Variants in TRPM3 observed in about 807,000 individuals in gnomAD.
The protein encoded by TRPM3 is long transient receptor potential channel 3.
Under a neutral mutation model 181.2 loss-of-function variants are expected in TRPM3, and 77 were observed. That is an observed-to-expected ratio of 0.42 (90% CI 0.35 to 0.51). The LOEUF is 0.51. Among genes scored for constraint, TRPM3 ranks in the 20% least tolerant of loss-of-function variants. The probability of loss-of-function intolerance (pLI) is 0.01; values close to 1 mark genes in which losing one functional copy is unlikely to be tolerated. For missense variants in TRPM3, 1,759 were observed against 2,196.7 expected (o/e 0.80, Z 3.98); for synonymous variants, 745 against 796.4 (o/e 0.94, Z 1.09).
chr9:71,137,562 T>C (rs1460097015), intron 1 of TRPM3, among the ~76,000 whole-genome samples: 1 of 152,208 alleles, frequency 6.6e-6, no homozygotes, highest in African/African-American at 2.4e-5. Flanking sequence ...GCAATTCTAA[T>C]TATCTTAATC....
chr9:71,421,410 A>G (rs2093771617), intron 1 of TRPM3, among the ~76,000 whole-genome samples: 1 of 151,824 alleles, frequency 6.6e-6, no homozygotes, highest in Non-Finnish European at 1.5e-5. Flanking sequence ...CCCTCCCTCT[A>G]TTGGCCTAAA....
intron 1 of TRPM3, among the ~76,000 whole-genome samples, chr9:71,022,833 A>G (rs1452621958): frequency 2.0e-5 from 3 of 152,220 alleles, no homozygotes; most frequent in Non-Finnish European, 2.9e-5. Flanking sequence ...CTTAAAGTAT[A>G]ATAAAAAAAT....
chr9:71,389,458 T>A (rs899349982), intron 1 of TRPM3, among the ~76,000 whole-genome samples: 2 of 152,120 alleles, frequency 1.3e-5, no homozygotes, highest in Admixed American at 6.6e-5. Context: ...GAACTACCAT[T>A]TGATCCAGCA....
At chr9:71,414,473 A>G (rs1018743182) in intron 1 of TRPM3, among the ~76,000 whole-genome samples, 1 of 152,270 alleles carries the variant, frequency 6.6e-6, no homozygotes, top group Non-Finnish European at 1.5e-5. Context: ...ATGAAATGCC[A>G]TTATTCTCTT....
At position 70,642,798 on chromosome 9, in the gene TRPM3, C is replaced by T. The variant is rs77694593; in HGVS notation, c.1346-2138G>A. Among the ~76,000 whole-genome samples, 1,390 of 152,256 alleles carry T rather than the reference C, an allele frequency of 9.1e-3. 25 individuals carry two copies. The highest frequency in any genetic ancestry group is 0.032 in the African/African-American group (1,315 of 41,554). ...AATTTTAGCATGCATAAGTACAATT[C>T]GGAGAACTTTTTAAGACACAGGTTC... On this transcript the variant is annotated intron_variant, in intron 9 of 25. Transcript: ENST00000677713.
At chr9:71,246,643 C>T (rs1251516971) in intron 1 of TRPM3, among the ~76,000 whole-genome samples, 1 of 152,232 alleles carries the variant, frequency 6.6e-6, no homozygotes, top group Non-Finnish European at 1.5e-5. Flanking sequence ...ACAAAATTAA[C>T]TGGCATTCGC....
chr9:70,928,975 T>C (rs1232005328), intron 1 of TRPM3, among the ~76,000 whole-genome samples: 3 of 152,162 alleles, frequency 2.0e-5, no homozygotes. Flanking sequence ...ATGAGAATTA[T>C]TATGATTCCC....
chr9:71,435,903 T>C (rs12375722), intron 1 of TRPM3, among the ~76,000 whole-genome samples: 42,282 of 151,970 alleles, frequency 0.28, 7,497 homozygotes, highest in Non-Finnish European at 0.39. Flanking sequence ...GAAAAAGCAA[T>C]GTGATAGCAG....
chr9:70,767,730 C>T (rs1039343251), intron 7 of TRPM3, among the ~76,000 whole-genome samples: 1 of 152,112 alleles, frequency 6.6e-6, no homozygotes, highest in Admixed American at 6.6e-5. Flanking sequence ...AGTCTGGTAC[C>T]TGGCCTGGTC....
In TRPM3 at chr9:71,225,425, A is replaced by G. The variant is rs575646887; in HGVS notation, c.183+221228T>C. Among the ~76,000 whole-genome samples the G allele has an allele frequency of 1.6e-4, 25 of 152,266 alleles. No individual in the cohort carries two copies. The East Asian group carries it at 4.8e-3, about 29-fold the overall frequency. On this transcript the variant is annotated intron_variant, in intron 1 of 24. Coordinates refer to the TRPM3 transcript ENST00000357533. ...AGGAAAAATAAAGACTTTTCCAGAC[A>G]AACAAAAGCTAATGGATTCCATCAA...
At chr9:71,014,272 T>C (rs1358822144) in intron 1 of TRPM3, among the ~76,000 whole-genome samples, 4 of 152,058 alleles carry the variant, frequency 2.6e-5, no homozygotes, top group African/African-American at 9.7e-5. Flanking sequence ...ATATTATATT[T>C]TTGCATTTTT....
chr9:71,330,803 A>G (rs1003763278), intron 1 of TRPM3, among the ~76,000 whole-genome samples: 3 of 151,832 alleles, frequency 2.0e-5, no homozygotes, highest in African/African-American at 7.3e-5. Flanking sequence ...TCACACAGAT[A>G]CAGGAGGCAG....
chr9:70,766,791 A>T (rs981826931), intron 7 of TRPM3, among the ~76,000 whole-genome samples: 21 of 152,226 alleles, frequency 1.4e-4, no homozygotes, highest in Non-Finnish European at 7.3e-5. Flanking sequence ...GGCAGGAAGC[A>T]TTGTTAACAA....
chr9:70,896,618 C>G (rs1383376679), intron 1 of TRPM3, among the ~76,000 whole-genome samples: 1 of 152,146 alleles, frequency 6.6e-6, no homozygotes, highest in Non-Finnish European at 1.5e-5. Context: ...ACAATGAGCA[C>G]TTTCAATAAC....
intron 1 of TRPM3, among the ~76,000 whole-genome samples, chr9:71,414,412 T>C (rs540353453): frequency 6.6e-6 from 1 of 152,218 alleles, no homozygotes; most frequent in Non-Finnish European, 1.5e-5. Flanking sequence ...ACCTTTTTCC[T>C]TCCTTTCACA....
At chr9:71,087,688 A>C (rs1014749503) in intron 1 of TRPM3, among the ~76,000 whole-genome samples, 11 of 152,030 alleles carry the variant, frequency 7.2e-5, no homozygotes, top group Non-Finnish European at 8.8e-5. Context: ...AGAAAGGAAG[A>C]AGCAGTACAA....
chr9:70,685,029 A>G (rs2066420844), intron 8 of TRPM3, among the ~76,000 whole-genome samples: 1 of 152,160 alleles, frequency 6.6e-6, no homozygotes, highest in Admixed American at 6.5e-5. Context: ...GATTATCTTT[A>G]TAATTTCTTC....
At chr9:71,160,593 T>C (rs991931669) in intron 1 of TRPM3, among the ~76,000 whole-genome samples, 3 of 152,302 alleles carry the variant, frequency 2.0e-5, no homozygotes, top group East Asian at 1.9e-4. Flanking sequence ...CTCAACACTT[T>C]ACTTCCACAA....
intron 1 of TRPM3, among the ~76,000 whole-genome samples, chr9:71,286,031 A>G (rs776789210): frequency 2.8e-5 from 4 of 142,728 alleles, no homozygotes; most frequent in Non-Finnish European, 3.1e-5. Flanking sequence ...ATTTTCAGGG[A>G]AAGAAAAAAG....
Sources: allele counts gnomAD v4.1 joint callset (sites outside exome capture counted in the v4.1 genomes callset), GRCh38; gene constraint gnomAD v4.1.1; transcripts MANE v1.5; gene names NCBI Gene and HGNC (gene_info 2026-07-23, HGNC 2026-07-21).